LYPLAL1: variants seen among roughly 807,000 people sequenced by gnomAD.
The protein encoded by LYPLAL1 is lysophospholipase-like protein 1.
Under a neutral mutation model 19.7 loss-of-function variants are expected in LYPLAL1, and 23 were observed. The observed-to-expected ratio is 1.17, with a 90% CI of 0.84 to 1.65. The LOEUF (loss-of-function observed/expected upper bound fraction) is 1.65. Ranked by LOEUF, LYPLAL1 falls within the 40% of genes most tolerant of loss-of-function variation. The pLI is 0.00. For missense variants in LYPLAL1, 355 were observed against 279.4 expected (o/e 1.27, Z -1.93); for synonymous variants, 119 against 96.3 (o/e 1.24, Z -1.38).
chr1:219,257,915 C>T, the LYPLAL1 span, among the ~76,000 whole-genome samples: 13 of 152,074 alleles, frequency 8.5e-5, no homozygotes, highest in East Asian at 2.5e-3. Flanking sequence ...CAGACACTCC[C>T]AGAGTGGCCA....
the LYPLAL1 span, among the ~76,000 whole-genome samples, chr1:219,407,954 T>C: frequency 6.6e-6 from 1 of 152,114 alleles, no homozygotes; most frequent in Non-Finnish European, 1.5e-5. Context: ...CACTAATCCA[T>C]TCATGAAGAC....
chr1:219,207,660 G>T (rs1658678659), intron 3 of LYPLAL1, among the ~76,000 whole-genome samples: 1 of 151,984 alleles, frequency 6.6e-6, no homozygotes, highest in Non-Finnish European at 1.5e-5. Flanking sequence ...AAAAATCCCA[G>T]CTCCCATCAT....
chr1:219,322,853 A>G, the LYPLAL1 span, among the ~76,000 whole-genome samples: 1 of 152,176 alleles, frequency 6.6e-6, no homozygotes, highest in Non-Finnish European at 1.5e-5. Flanking sequence ...AAATTAGAAA[A>G]TCTTAAGTTA....
chr1:219,360,001 G>A, the LYPLAL1 span, among the ~76,000 whole-genome samples: 1 of 152,138 alleles, frequency 6.6e-6, no homozygotes, highest in Non-Finnish European at 1.5e-5. Flanking sequence ...GTTTGCCCAA[G>A]GTCTTGTAAG....
chr1:219,401,232 A>T, the LYPLAL1 span, among the ~76,000 whole-genome samples: 1 of 151,598 alleles, frequency 6.6e-6, no homozygotes. Context: ...CTGTTTATTT[A>T]TTTGGCAAAA....
chr1:219,358,418 G>A, the LYPLAL1 span, among the ~76,000 whole-genome samples: 1 of 152,168 alleles, frequency 6.6e-6, no homozygotes, highest in South Asian at 2.1e-4. Flanking sequence ...CTATTTAAGT[G>A]AAATAACAAT....
At chr1:219,236,439 G>A in the LYPLAL1 span, among the ~76,000 whole-genome samples, 1 of 152,166 alleles carries the variant, frequency 6.6e-6, no homozygotes, top group Non-Finnish European at 1.5e-5. Context: ...GGTTTTAGTT[G>A]TCTGTATCAG....
the LYPLAL1 span, among the ~76,000 whole-genome samples, chr1:219,339,161 G>A: frequency 6.6e-6 from 1 of 151,882 alleles, no homozygotes; most frequent in East Asian, 1.9e-4. Flanking sequence ...ACAGGATATG[G>A]TCTCACCCTG....
chr1:219,251,870 G>A, the LYPLAL1 span, among the ~76,000 whole-genome samples: 11 of 152,204 alleles, frequency 7.2e-5, no homozygotes, highest in African/African-American at 2.4e-4. Flanking sequence ...GCTTTGGGCA[G>A]TATAGTCATT....
chr1:219,237,982 C>T, the LYPLAL1 span, among the ~76,000 whole-genome samples: 1 of 152,138 alleles, frequency 6.6e-6, no homozygotes, highest in Non-Finnish European at 1.5e-5. Context: ...ATGAATGGGA[C>T]ATCTATGCAC....
chr1:219,223,685 A>G, the LYPLAL1 span, among the ~76,000 whole-genome samples: 7 of 152,296 alleles, frequency 4.6e-5, no homozygotes, highest in South Asian at 1.4e-3. Flanking sequence ...CAAAATGCCC[A>G]TAAGAGACTT....
chr1:219,375,292 C>A, the LYPLAL1 span, among the ~76,000 whole-genome samples: 1 of 151,964 alleles, frequency 6.6e-6, no homozygotes, highest in Admixed American at 6.6e-5. Context: ...CATGGAGAAA[C>A]CCCGTCTCTA....
the LYPLAL1 span, among the ~76,000 whole-genome samples, chr1:219,439,994 C>CATATATATATATAT: frequency 5.5e-4 from 65 of 117,616 alleles, no homozygotes; most frequent in Non-Finnish European, 8.5e-4. Flanking sequence ...TATATATACA[C>CATATATATATATAT]ACATATATAT....
At position 219,211,634 on chromosome 1, in the gene LYPLAL1, C is replaced by G. The variant is rs369798094; in HGVS notation, c.620C>G (p.Pro207Arg). 17 of 1,613,192 alleles carry G rather than the reference C, an allele frequency of 1.1e-5. No individual in the cohort carries two copies. The South Asian group carries it at 1.6e-4, about 16-fold the overall frequency. Reference protein sequence around the residue: ...LGVTTKFHSFPNVYHELSKTE... With the variant: ...LGVTTKFHSFRNVYHELSKTE... The stretch of plus-strand genomic sequence containing the variant: ...GTGACCACGAAGTTTCATAGTTTTC[C>G]AAATGTTTACCATGAGCTAAGCAAA... Residue 207 changes from proline (P) to arginine (R), a missense_variant, in exon 5 of 5, where the codon CCA (proline) becomes CGA (arginine). Pro to Arg is a moderately radical substitution (Grantham distance 103). Transcript: ENST00000366928.
rs181762233 is a variant in LYPLAL1, at chr1:219,203,012, T to C, written c.362-7520T>C. Among the ~76,000 whole-genome samples, 72 of 152,188 alleles carry C rather than the reference T, an allele frequency of 4.7e-4. 1 individual carries two copies. The highest frequency in any genetic ancestry group is 1.7e-3 in the African/African-American group (71 of 41,544). On this transcript the variant is annotated intron_variant, in intron 3 of 4. Transcript: ENST00000366928. The stretch of plus-strand genomic sequence containing the variant: ...AGGCTAGGTTTCTTTTAAAAATGAA[T>C]TATAATGGGAAAAACTAGCAAAATG...
the LYPLAL1 span, among the ~76,000 whole-genome samples, chr1:219,259,845 A>G: frequency 6.6e-6 from 1 of 151,942 alleles, no homozygotes; most frequent in African/African-American, 2.4e-5. Flanking sequence ...CAATTAAACA[A>G]AGTAGCTGAT....
the LYPLAL1 span, among the ~76,000 whole-genome samples, chr1:219,294,714 C>G: frequency 1.3e-5 from 2 of 152,186 alleles, no homozygotes; most frequent in African/African-American, 4.8e-5. Context: ...CTTCCCACAG[C>G]TCAGGTTCCT....
chr1:219,279,136 G>C, the LYPLAL1 span, among the ~76,000 whole-genome samples: 3 of 152,176 alleles, frequency 2.0e-5, no homozygotes, highest in East Asian at 3.9e-4. Context: ...GTGCGTTTTT[G>C]CCTCCTCCGC....
chr1:219,275,871 A>G, the LYPLAL1 span, among the ~76,000 whole-genome samples: 2 of 152,134 alleles, frequency 1.3e-5, no homozygotes, highest in Non-Finnish European at 2.9e-5. Context: ...CTCTAACTAA[A>G]ACAGGTCTTG....
Sources: allele counts gnomAD v4.1 joint callset (sites outside exome capture counted in the v4.1 genomes callset), GRCh38; gene constraint gnomAD v4.1.1; transcripts MANE v1.5; gene names NCBI Gene and HGNC (gene_info 2026-07-23, HGNC 2026-07-21).